The following CACNA1C variants were observed in gnomAD, a reference collection of about 807,000 sequenced individuals.
CACNA1C encodes calcium voltage-gated channel subunit alpha1 C, also known as voltage-dependent L-type calcium channel subunit alpha-1C.
A neutral mutation model predicts 229.0 loss-of-function variants in CACNA1C; 30 were observed. The ratio of observed to expected loss-of-function variants is 0.13; its 90% CI spans 0.10 to 0.18. The LOEUF (loss-of-function observed/expected upper bound fraction) is 0.18, where lower values mean the gene tolerates loss of function less well. CACNA1C is among the 10% of genes least tolerant of loss of function. CACNA1C has a pLI of 1.00. For missense variants in CACNA1C, 1,658 were observed against 2,845.0 expected (o/e 0.58, Z 9.49); for synonymous variants, 1,114 against 1,132.5 (o/e 0.98, Z 0.33).
Position 2,677,747 on chromosome 12 carries a change from A to G in CACNA1C, c.4971A>G (p.Thr1657=), listed in dbSNP as rs755018705. ...TTGGATTCCAGGCTGGCTTGCGCAC[A>G]CTGCATGACATCGGGCCTGAGATCC... ...NALSLQAGLR[T]LHDIGPEIRR... Residue 1657 remains threonine (T), a synonymous_variant, in exon 41 of 47, where the codon ACA becomes ACG. Transcript: ENST00000399655. This position sits in a 1 kb window ranked among gnomAD's most constrained non-coding sequence, Gnocchi z 7.4. 4 of 1,613,540 alleles carry G rather than the reference A, an allele frequency of 2.5e-6. No homozygotes were observed. The highest frequency in any genetic ancestry group is 1.7e-5 in the Admixed American group (1 of 59,972).
At chr12:2,544,962 G>A (rs2099878315) in intron 9 of CACNA1C, among the ~76,000 whole-genome samples, 1 of 152,220 alleles carries the variant, frequency 6.6e-6, no homozygotes, top group Non-Finnish European at 1.5e-5. Context: ...CTTCTTAGAT[G>A]TAATGGTTTC....
intron 5 of CACNA1C, among the ~76,000 whole-genome samples, chr12:2,463,551 G>A (rs73042171): frequency 0.087 from 13,278 of 152,222 alleles, 624 homozygotes; most frequent in Middle Eastern, 0.18. Flanking sequence ...CATGCATTGG[G>A]GACACCATAC....
chr12:2,328,116 G>T (rs2096402052), intron 3 of CACNA1C, among the ~76,000 whole-genome samples: 1 of 152,232 alleles, frequency 6.6e-6, no homozygotes, highest in Non-Finnish European at 1.5e-5. Context: ...CGGCAAGGCT[G>T]CTGGCTCCTT....
intron 1 of CACNA1C, among the ~76,000 whole-genome samples, chr12:2,065,781 G>A (rs1199889679): frequency 1.1e-4 from 16 of 152,224 alleles, no homozygotes; most frequent in East Asian, 1.9e-4. Context: ...GAGGAGAGGC[G>A]CACATTCCCA....
intron 3 of CACNA1C, among the ~76,000 whole-genome samples, chr12:2,284,309 T>G (rs1209178390): frequency 6.6e-6 from 1 of 151,996 alleles, no homozygotes; most frequent in Non-Finnish European, 1.5e-5. Flanking sequence ...TTTTTTTTTT[T>G]TGGTAGTGGG....
chr12:2,078,809 G>C (rs1331380605), intron 1 of CACNA1C, among the ~76,000 whole-genome samples: 5 of 152,070 alleles, frequency 3.3e-5, no homozygotes, highest in Non-Finnish European at 7.3e-5. Flanking sequence ...AAATCATGCT[G>C]CTATAAAGAC....
At chr12:2,445,014 C>G (rs1397043447) in intron 3 of CACNA1C, among the ~76,000 whole-genome samples, 1 of 152,208 alleles carries the variant, frequency 6.6e-6, no homozygotes, top group Non-Finnish European at 1.5e-5. Context: ...TCCTGGTCAT[C>G]TTGCTCCTGC....
At chr12:2,135,623 G>A (rs1267534522) in intron 3 of CACNA1C, among the ~76,000 whole-genome samples, 1 of 140,274 alleles carries the variant, frequency 7.1e-6, no homozygotes, top group East Asian at 2.0e-4. Context: ...CTGCTCAGGG[G>A]TCAGGGGTCA....
At chr12:2,553,406 C>T (rs1013305607) in intron 10 of CACNA1C, among the ~76,000 whole-genome samples, 5 of 152,188 alleles carry the variant, frequency 3.3e-5, no homozygotes, top group African/African-American at 9.7e-5. Flanking sequence ...ATGAAGGGGT[C>T]AGTGACAGGA....
chr12:2,116,526 C>G (rs939607869), intron 2 of CACNA1C, among the ~76,000 whole-genome samples: 3 of 152,140 alleles, frequency 2.0e-5, no homozygotes, highest in Non-Finnish European at 4.4e-5. Flanking sequence ...CCACCACGCT[C>G]GGCTATTCTT....
intron 3 of CACNA1C, among the ~76,000 whole-genome samples, chr12:2,388,546 G>T (rs557705896): frequency 1.8e-4 from 28 of 152,228 alleles, no homozygotes; most frequent in Non-Finnish European, 3.8e-4. Context: ...TCTGAGAGAG[G>T]TAGGGAGAGC....
At chr12:2,664,420 T>C (rs185832595) in intron 34 of CACNA1C, among the ~76,000 whole-genome samples, 4 of 152,346 alleles carry the variant, frequency 2.6e-5, no homozygotes, top group Non-Finnish European at 4.4e-5. Flanking sequence ...TGCAGTGTTA[T>C]TTGTACTAGT....
chr12:2,437,335 C>T (rs1208831720), intron 3 of CACNA1C, among the ~76,000 whole-genome samples: 1 of 152,178 alleles, frequency 6.6e-6, no homozygotes, highest in Non-Finnish European at 1.5e-5. Flanking sequence ...AGCCCCAACA[C>T]ACTTCCCATT....
intron 3 of CACNA1C, among the ~76,000 whole-genome samples, chr12:2,370,266 G>C (rs2097830110): frequency 6.6e-6 from 1 of 152,116 alleles, no homozygotes; most frequent in Non-Finnish European, 1.5e-5. Flanking sequence ...ATAGAAAAAA[G>C]TTATAACCTT....
At chr12:2,334,439 G>T (rs1039151617) in intron 3 of CACNA1C, among the ~76,000 whole-genome samples, 2 of 152,160 alleles carry the variant, frequency 1.3e-5, no homozygotes, top group East Asian at 3.9e-4. Context: ...AGCAGACTGG[G>T]CACATGTCCT....
Position 2,159,316 on chromosome 12 carries a change from G to A in CACNA1C, c.477+38886G>A, listed in dbSNP as rs190201496. ...TTGAGACCAGCCTGGACAACATGGC[G>A]AGACCCCGTCTCTACAGAAAATACA... On this transcript the variant is annotated intron_variant, in intron 3 of 46. Coordinates refer to ENST00000399655, the MANE Select transcript of CACNA1C (RefSeq NM_000719.7). Among the ~76,000 whole-genome samples, 294 of 152,094 alleles carry A rather than the reference G, an allele frequency of 1.9e-3. 1 individual carries two copies. The highest frequency in any genetic ancestry group is 6.7e-3 in the African/African-American group (277 of 41,472).
In CACNA1C at chr12:2,646,758, GAGAGAGAGAA is replaced by G. The variant is rs67173722; in HGVS notation, c.3913-1707_3913-1698del. On this transcript the variant is annotated intron_variant, in intron 30 of 46. Coordinates refer to ENST00000399655, the MANE Select transcript of CACNA1C (RefSeq NM_000719.7). This position sits in a 1 kb window ranked among gnomAD's most constrained non-coding sequence, Gnocchi z 4.6. ...CTTCTGTGCATGCCTGTATGAGAGA[GAGAGAGAGAA>G]AGAGAGAGAGAGAGAGAGAGAGTGT... Among the ~76,000 whole-genome samples the G allele has an allele frequency of 0.012, 1,102 of 88,924 alleles. 3 individuals carry two copies. The highest frequency in any genetic ancestry group is 0.024 in the Middle Eastern group (4 of 168). The allele number at this position is 88,924 out of a possible 152,430, so 58.3% of individuals were successfully genotyped here.
intron 10 of CACNA1C, among the ~76,000 whole-genome samples, chr12:2,553,038 C>T (rs1235072112): frequency 6.6e-6 from 1 of 152,156 alleles, no homozygotes; most frequent in African/African-American, 2.4e-5. Context: ...GTTTGAGGCC[C>T]TGAACTTGCT....
chr12:2,665,048 C>CA lies in CACNA1C; in HGVS notation c.4398+58_4398+59insA. ...CATGACTGCCCAGTTCCAGGGCAGT[C>CA]TGAACCGTCCATCTCTGCAGCTCAT... On this transcript the variant is annotated intron_variant, in intron 35 of 46. Coordinates refer to ENST00000399655, the MANE Select transcript of CACNA1C (RefSeq NM_000719.7). The surrounding 1 kb of genome is among the most constrained non-coding windows in gnomAD (Gnocchi z 5.9). 6.4e-7 allele frequency: 1 copy of CA among 1,571,468 alleles called. No homozygotes were observed. Among genetic ancestry groups the CA allele is most frequent in the Non-Finnish European group, 8.7e-7 (1 of 1,143,712 alleles).
Sources: gnomAD v4.1 joint callset for allele counts (sites outside exome capture counted in the v4.1 genomes callset) on GRCh38, gnomAD v4.1.1 for gene constraint, Gnocchi (gnomAD v3.1) non-coding constraint, MANE v1.5 for transcripts, NCBI Gene and HGNC (gene_info 2026-07-23, HGNC 2026-07-21) for gene names.